The following CASD1 variants were observed in gnomAD, a reference collection of about 807,000 sequenced individuals.
CASD1 encodes the protein CAS1 domain sialic acid O acetyltransferase 1, also known as N-acetylneuraminate (7)9-O-acetyltransferase.
Under a neutral mutation model 100.0 loss-of-function variants are expected in CASD1, and 41 were observed. The observed-to-expected ratio is 0.41, with a 90% CI of 0.32 to 0.53. The LOEUF (loss-of-function observed/expected upper bound fraction) is 0.53. Among genes scored for constraint, CASD1 ranks in the 20% least tolerant of loss-of-function variants. The pLI is 0.25. For synonymous variants in CASD1, 321 were observed against 315.6 expected, an observed-to-expected ratio of 1.02 and a Z score of -0.18; for missense variants, 774 against 948.7, an observed-to-expected ratio of 0.82 and a Z score of 2.42.
At chr7:94,585,137 AATGAACACATAAACCTGTTT>A in the CASD1 span, 2 of 208,280 alleles carry the variant, frequency 9.6e-6, no homozygotes, top group Non-Finnish European at 1.9e-5. Context: ...GTGGAATGAG[AATGAACACATAAACCTGTTT>A]CTAGCGATTA....
At chr7:94,586,228 A>T in the CASD1 span, among the ~76,000 whole-genome samples, 11 of 152,156 alleles carry the variant, frequency 7.2e-5, no homozygotes, top group African/African-American at 2.7e-4. Flanking sequence ...GTTCTGTGGT[A>T]CTTGGAAAAC....
chr7:94,611,855 C>A, the CASD1 span, among the ~76,000 whole-genome samples: 1 of 152,074 alleles, frequency 6.6e-6, no homozygotes, highest in Non-Finnish European at 1.5e-5. Flanking sequence ...GAAAGATTAT[C>A]TTTTAAAAAA....
At chr7:94,519,672 T>C (rs1231952286) in intron 3 of CASD1, among the ~76,000 whole-genome samples, 1 of 152,056 alleles carries the variant, frequency 6.6e-6, no homozygotes, top group Non-Finnish European at 1.5e-5. Context: ...TTTTAATAAT[T>C]AAAAAAATTT....
chr7:94,590,987 G>A, the CASD1 span: 11 of 151,682 alleles, frequency 7.3e-5, no homozygotes. Flanking sequence ...ATATTACTAG[G>A]GAAATAATAA....
At chr7:94,516,252 A>G (rs1793974941) in intron 1 of CASD1, among the ~76,000 whole-genome samples, 1 of 152,164 alleles carries the variant, frequency 6.6e-6, no homozygotes. Flanking sequence ...AGATAATGCA[A>G]CATTTTAACT....
At chr7:94,618,398 AAG>A in the CASD1 span, 1 of 181,356 alleles carries the variant, frequency 5.5e-6, no homozygotes, top group Non-Finnish European at 1.1e-5. Context: ...TCCTAGAATA[AAG>A]TTACAGCAGT....
intron 10 of CASD1, among the ~76,000 whole-genome samples, chr7:94,540,593 C>G (rs1795345900): frequency 6.6e-6 from 1 of 152,122 alleles, no homozygotes; most frequent in Non-Finnish European, 1.5e-5. Context: ...TCCTGTGATG[C>G]TGCAGCTGAC....
At position 94,510,042 on chromosome 7, in the gene CASD1, C is replaced by A; in HGVS notation, c.-43C>A. 1 of 1,470,110 alleles carries A rather than the reference C, an allele frequency of 6.8e-7. No individual in the cohort carries two copies. 91.1% of individuals were successfully genotyped at this position (1,470,110 alleles called of 1,614,324 possible). ...CCCAGTGCTGCCCCTGTGCGGCGCC[C>A]CTTTCCCGCTCCGCCGCGCACTGTT... On this transcript the variant is annotated 5_prime_UTR_variant, in exon 1 of 18. Coordinates refer to ENST00000297273, the MANE Select transcript of CASD1 (RefSeq NM_022900.5).
the CASD1 span, chr7:94,587,538 T>A: frequency 2.3e-6 from 3 of 1,297,612 alleles, no homozygotes; most frequent in Non-Finnish European, 2.9e-6. Flanking sequence ...AGCTGTGAAA[T>A]TAGTGGTAGT....
At chr7:94,557,292 G>A (rs1461434204), downstream of CASD1, among the ~76,000 whole-genome samples, 3 of 152,018 alleles carry the variant, frequency 2.0e-5, no homozygotes, top group Admixed American at 2.0e-4. Context: ...ATTAATAGAG[G>A]AATATTTCTT....
chr7:94,547,313 G>C, intron 13 of CASD1, 138 bp downstream of exon 13: 1 of 545,192 alleles, frequency 1.8e-6, no homozygotes, highest in Non-Finnish European at 3.1e-6. Flanking sequence ...CTCTGAAGCT[G>C]AGTACTCAGT....
the CASD1 span, among the ~76,000 whole-genome samples, chr7:94,615,370 A>G: frequency 5.7e-4 from 1 of 1,764 alleles, no homozygotes; most frequent in African/African-American, 3.6e-3. Context: ...AAATAAATAG[A>G]TAGATAGATA....
the CASD1 span, chr7:94,598,441 T>C: frequency 3.8e-6 from 1 of 260,262 alleles, no homozygotes; most frequent in Non-Finnish European, 7.5e-6. Flanking sequence ...CTAAAAATAA[T>C]CAATTTGAAA....
At chr7:94,586,257 A>T in the CASD1 span, among the ~76,000 whole-genome samples, 1 of 152,108 alleles carries the variant, frequency 6.6e-6, no homozygotes, top group Non-Finnish European at 1.5e-5. Flanking sequence ...CTGTTTGATG[A>T]TAATCATGCA....
chr7:94,551,433 C>T lies in CASD1; in HGVS notation c.1911C>T (p.Asn637=), dbSNP rs1254342480. The T allele has an allele frequency of 1.3e-6, 2 of 1,531,692 alleles. No individual in the cohort carries two copies. Among genetic ancestry groups the T allele is most frequent in the East Asian group, 2.4e-5 (1 of 41,088 alleles). The allele number at this position is 1,531,692 out of a possible 1,614,324, so 94.9% of individuals were successfully genotyped here. The change falls in exon 15 of 18, where the codon AAC becomes AAT. Residue 637 remains asparagine, a synonymous_variant. Transcript: ENST00000297273. The stretch of plus-strand genomic sequence containing the variant: ...GAAAGGGTGAACCTCTTTTTTCAAA[C>T]AAAATTTCAAATTTTCTGTTGTTTA... The part of the protein sequence containing the change: ...SEGKGEPLFS[N]KISNFLLFIS...
At chr7:94,606,356 A>G in the CASD1 span, among the ~76,000 whole-genome samples, 14 of 152,246 alleles carry the variant, frequency 9.2e-5, 1 homozygote, top group Admixed American at 9.2e-4. Flanking sequence ...CCAACCTCAC[A>G]GCAAGGAAAC....
chr7:94,533,325 G>A (rs1283710586), intron 6 of CASD1, 76 bp downstream of exon 6: 2 of 1,229,500 alleles, frequency 1.6e-6, no homozygotes, highest in Non-Finnish European at 1.2e-6. Flanking sequence ...GTTAATTTGT[G>A]TTCAGAATTC....
the CASD1 span, chr7:94,586,758 T>G: frequency 1.8e-5 from 15 of 845,936 alleles, no homozygotes; most frequent in East Asian, 7.4e-4. Context: ...TGCCTTGGCC[T>G]CCCAAAGTGC....
chr7:94,596,588 G>C, the CASD1 span, among the ~76,000 whole-genome samples: 2 of 152,012 alleles, frequency 1.3e-5, no homozygotes, highest in Non-Finnish European at 2.9e-5. Flanking sequence ...GACTGTTGTA[G>C]CTTAAAAAAC....
Sources: gnomAD v4.1 joint callset for allele counts (sites outside exome capture counted in the v4.1 genomes callset) on GRCh38, gnomAD v4.1.1 for gene constraint, MANE v1.5 for transcripts, NCBI Gene and HGNC (gene_info 2026-07-23, HGNC 2026-07-21) for gene names.